EPAS1: variants seen among roughly 807,000 people sequenced by gnomAD.
The protein encoded by EPAS1 is endothelial PAS domain-containing protein 1.
In EPAS1, 23 loss-of-function variants were observed where a neutral mutation model predicts 87.9. That is an observed-to-expected ratio of 0.26 (90% confidence interval 0.19 to 0.37). The LOEUF (loss-of-function observed/expected upper bound fraction) is 0.37. EPAS1 is among the 10% of genes least tolerant of loss of function. The pLI, the probability that EPAS1 is intolerant of heterozygous loss-of-function variation, is 1.00. For missense variants in EPAS1, 1,138 were observed against 1,120.7 expected, an observed-to-expected ratio of 1.02 and a Z score of -0.22; for synonymous variants, 508 against 444.3, an observed-to-expected ratio of 1.14 and a Z score of -1.80.
intron 1 of EPAS1, among the ~76,000 whole-genome samples, chr2:46,337,266 A>G (rs946655553): frequency 1.3e-5 from 2 of 152,196 alleles, no homozygotes; most frequent in African/African-American, 2.4e-5. Context: ...ACAGGGCCAA[A>G]TCGTGCGTGT....
chr2:46,334,751 T>A (rs138973714), intron 1 of EPAS1, among the ~76,000 whole-genome samples: 1 of 152,364 alleles, frequency 6.6e-6, no homozygotes, highest in East Asian at 1.9e-4. Context: ...AAATACAGTT[T>A]TATTTCCCAA....
In EPAS1 at chr2:46,359,028, A is replaced by G. The variant is rs1266090218; in HGVS notation, c.455-1610A>G. On this transcript the variant is annotated intron_variant, in intron 4 of 15. Transcript: ENST00000263734. ...GTAATCCCAGGACTTTCGGAGGCCAAGGTGGGTGGATCACGAGATCAAGAG... is the reference window on the plus strand; with the variant it reads ...GTAATCCCAGGACTTTCGGAGGCCAGGGTGGGTGGATCACGAGATCAAGAG... Among the ~76,000 whole-genome samples, 5 of 152,082 alleles carry G rather than the reference A, an allele frequency of 3.3e-5. No individual in the cohort carries two copies. In the East Asian group the frequency reaches 5.8e-4, roughly 18 times the overall value.
chr2:46,376,287 C>A (rs1478593950), intron 8 of EPAS1, among the ~76,000 whole-genome samples: 1 of 152,120 alleles, frequency 6.6e-6, no homozygotes, highest in Non-Finnish European at 1.5e-5. Context: ...CTCATATATA[C>A]CACCCCACTC....
chr2:46,365,258 T>G (rs895998024), intron 6 of EPAS1, among the ~76,000 whole-genome samples: 2 of 152,166 alleles, frequency 1.3e-5, no homozygotes, highest in African/African-American at 4.8e-5. Flanking sequence ...GGTTTCAAAA[T>G]TACAGTAAAA....
intron 10 of EPAS1, 80 bp downstream of exon 10, chr2:46,378,167 G>A (rs1558610564): frequency 1.3e-6 from 2 of 1,531,908 alleles, no homozygotes; most frequent in South Asian, 1.2e-5. Context: ...GGGACATTTG[G>A]GACAGGTACT....
At position 46,384,332 on chromosome 2, in the gene EPAS1, G is replaced by A. The variant is rs56768253; in HGVS notation, c.2462-177G>A. On this transcript the variant is annotated intron_variant, in intron 15 of 15. Transcript: ENST00000263734. ...GGGTCTCAGCACCCCACCTGAGGCA[G>A]TGGTTCTGGAGGCAGACACGTTCCC... 412,777 of 866,966 alleles carry A rather than the reference G, an allele frequency of 0.48. 103,096 individuals carry two copies. Among genetic ancestry groups the A allele is most frequent in the Non-Finnish European group, 0.54 (282,459 of 526,002 alleles). The allele number at this position is 866,966 out of a possible 1,614,324, so 53.7% of individuals were successfully genotyped here.
At chr2:46,318,083 G>A (rs368783392) in intron 1 of EPAS1, among the ~76,000 whole-genome samples, 15 of 151,968 alleles carry the variant, frequency 9.9e-5, no homozygotes, top group Non-Finnish European at 1.5e-4. Flanking sequence ...CCTTTCATTC[G>A]AACACATAGA....
chr2:46,376,665 C>T lies in EPAS1; in HGVS notation c.1161C>T (p.Asn387=), dbSNP rs759305590. The T allele has an allele frequency of 1.9e-6, 3 of 1,614,028 alleles. No individual in the cohort carries two copies. The highest frequency in any genetic ancestry group is 2.2e-5 in the East Asian group (1 of 44,900). The change falls in exon 9 of 16, where the codon AAC becomes AAT. Residue 387 remains asparagine, a synonymous_variant. Transcript: ENST00000263734. ...AGGGGGCTGTGTCTGAGAAGAGTAA[C>T]TTCCTATTCACCAAGCTAAAGGAGG... ...SGKGAVSEKS[N]FLFTKLKEEP...
intron 1 of EPAS1, among the ~76,000 whole-genome samples, chr2:46,316,251 T>A (rs1347284353): frequency 6.6e-6 from 1 of 151,912 alleles, no homozygotes; most frequent in Admixed American, 6.6e-5. Flanking sequence ...AAAAACAATG[T>A]ACATACCCTT....
intron 1 of EPAS1, among the ~76,000 whole-genome samples, chr2:46,336,791 TCC>T (rs1442059928): frequency 6.6e-6 from 1 of 152,182 alleles, no homozygotes; most frequent in Non-Finnish European, 1.5e-5. Flanking sequence ...GAAGGCAGAA[TCC>T]CAGGCTTCAG....
At chr2:46,319,354 A>C (rs952498144) in intron 1 of EPAS1, among the ~76,000 whole-genome samples, 2 of 152,330 alleles carry the variant, frequency 1.3e-5, no homozygotes, top group East Asian at 3.9e-4. Flanking sequence ...CAAGATTTCA[A>C]ATAAGCTCCA....
intron 1 of EPAS1, among the ~76,000 whole-genome samples, chr2:46,315,588 A>G (rs1012012708): frequency 1.3e-5 from 2 of 152,220 alleles, no homozygotes; most frequent in African/African-American, 2.4e-5. Context: ...TGGAGTTCAC[A>G]CAGACTCCTT....
intron 1 of EPAS1, among the ~76,000 whole-genome samples, chr2:46,340,000 C>T (rs545214451): frequency 6.6e-5 from 10 of 152,274 alleles, no homozygotes; most frequent in South Asian, 4.1e-4. Context: ...TTTGAGGGGA[C>T]GTAAACATTC....
intron 7 of EPAS1, among the ~76,000 whole-genome samples, chr2:46,370,479 G>A (rs1050670696): frequency 1.3e-4 from 20 of 152,190 alleles, no homozygotes; most frequent in African/African-American, 4.6e-4. Context: ...GTAGGCCACA[G>A]TTCTCAGAGA....
rs1374142656 is a variant in EPAS1, at chr2:46,371,113, G to C, written c.886+1180G>C. On this transcript the variant is annotated intron_variant, in intron 7 of 15. Coordinates refer to ENST00000263734, the MANE Select transcript of EPAS1 (RefSeq NM_001430.5). The surrounding 1 kb of genome is among the most constrained non-coding windows in gnomAD (Gnocchi z 4.3). The stretch of plus-strand genomic sequence containing the variant: ...CAAAACGAGTGCCCACAGTGGTGCA[G>C]ACAGTGGTGCTGAGAGGATTATGGG... 6.6e-6 allele frequency among the ~76,000 whole-genome samples: 1 copy of C among 152,198 alleles called. No homozygotes were observed. Among genetic ancestry groups the C allele is most frequent in the Non-Finnish European group, 1.5e-5 (1 of 68,028 alleles).
At position 46,380,375 on chromosome 2, in the gene EPAS1, C is replaced by A. The variant is rs1684858654; in HGVS notation, c.1703C>A (p.Thr568Lys). 6.2e-7 allele frequency: 1 copy of A among 1,614,206 alleles called. No homozygotes were observed. Among genetic ancestry groups the A allele is most frequent in the Non-Finnish European group, 8.5e-7 (1 of 1,180,036 alleles). Reference protein sequence around the residue: ...STPQHCFSAMTNIFQPLAPVA... With the variant: ...STPQHCFSAMKNIFQPLAPVA... ...CCCCAGCACTGCTTCAGTGCCATGA[C>A]AAACATCTTCCAGCCACTGGCCCCT... The change falls in exon 12 of 16, where the codon ACA becomes AAA. Residue 568 changes from threonine to lysine, a missense_variant. Thr to Lys is a moderately conservative substitution (Grantham distance 78, BLOSUM62 -1). Coordinates refer to ENST00000263734, the MANE Select transcript of EPAS1 (RefSeq NM_001430.5). This position sits in a 1 kb window ranked among gnomAD's most constrained non-coding sequence, Gnocchi z 4.4.
Position 46,346,938 on chromosome 2 carries a change from C to T in EPAS1, c.92C>T (p.Thr31Met), listed in dbSNP as rs1202116125. Residue 31 changes from threonine to methionine, a missense_variant, in exon 2 of 16, where the codon ACG (threonine) becomes ATG (methionine). Around this residue, in one of 4 missense-constraint regions of EPAS1, gnomAD observed 351 missense variants for 417.1 expected, o/e 0.84. Coordinates refer to ENST00000263734, the MANE Select transcript of EPAS1 (RefSeq NM_001430.5). The surrounding 1 kb of genome is among the most constrained non-coding windows in gnomAD (Gnocchi z 4.0). ...DAARCRRSKE[T>M]EVFYELAHEL... is the part of the protein sequence containing the mutation. The stretch of plus-strand genomic sequence containing the variant: ...GCGCGGTGCCGGCGGAGCAAGGAGA[C>T]GGAGGTGTTCTATGAGCTGGCCCAT... 17 of 1,614,074 alleles carry T rather than the reference C, an allele frequency of 1.1e-5. No homozygotes were observed. The highest frequency in any genetic ancestry group is 1.4e-5 in the Non-Finnish European group (16 of 1,180,046).
Position 46,297,722 on chromosome 2 carries a change from A to AC in EPAS1, c.-185dup, listed in dbSNP as rs1412455997. On this transcript the variant is annotated 5_prime_UTR_variant, in exon 1 of 16. Transcript: ENST00000263734. ...AGGTTCCTCCCAGTCACCTTTCTCCACCCCCGCCCCCGCACCTAGCCCGCC... is the reference window on the plus strand; with the variant it reads ...AGGTTCCTCCCAGTCACCTTTCTCCACCCCCCGCCCCCGCACCTAGCCCGCC... 1 of 637,184 alleles carries AC rather than the reference A, an allele frequency of 1.6e-6. No individual in the cohort carries two copies. Among genetic ancestry groups the AC allele is most frequent in the East Asian group, 2.9e-5 (1 of 33,922 alleles). The allele number at this position is 637,184 out of a possible 1,614,324, so 39.5% of individuals were successfully genotyped here. A position where few individuals can be genotyped will look rare whatever the true frequency, so the allele number is the denominator to read the frequency against.
At chr2:46,320,156 C>T (rs1380694031) in intron 1 of EPAS1, among the ~76,000 whole-genome samples, 1 of 152,090 alleles carries the variant, frequency 6.6e-6, no homozygotes, top group African/African-American at 2.4e-5. Context: ...ACTCTATTCC[C>T]GAGGAATGAG....
Sources: gnomAD v4.1 joint callset for allele counts (sites outside exome capture counted in the v4.1 genomes callset) on GRCh38, gnomAD v4.1.1 for gene constraint, gnomAD v4.1.1 regional missense constraint, Gnocchi (gnomAD v3.1) non-coding constraint, MANE v1.5 for transcripts, NCBI Gene and HGNC (gene_info 2026-07-23, HGNC 2026-07-21) for gene names.